Variants in WDPCP observed in about 807,000 individuals in gnomAD.
The protein encoded by WDPCP is WD repeat-containing and planar cell polarity effector protein fritz homolog.
Under a neutral mutation model 93.1 loss-of-function variants are expected in WDPCP, and 71 were observed. That is an observed-to-expected ratio of 0.76 (90% CI 0.63 to 0.93). The LOEUF (loss-of-function observed/expected upper bound fraction) is 0.93. Ranked by LOEUF, WDPCP falls within the 40% of genes least tolerant of loss-of-function variation. The pLI is 0.00. For synonymous variants in WDPCP, 315 were observed against 315.0 expected, an observed-to-expected ratio of 1.00 and a Z score of 0.00; for missense variants, 844 against 887.4, an observed-to-expected ratio of 0.95 and a Z score of 0.62.
chr2:63,306,038 A>C (rs540154113), intron 13 of WDPCP, among the ~76,000 whole-genome samples: 1 of 152,338 alleles, frequency 6.6e-6, no homozygotes, highest in South Asian at 2.1e-4. Flanking sequence ...AAATAGACAC[A>C]ATAAAAAATG....
Position 63,801,623 on chromosome 2 carries a change from C to T in WDPCP, n.308+11999G>A, listed in dbSNP as rs558057680. 4.6e-4 allele frequency among the ~76,000 whole-genome samples: 70 copies of T among 152,256 alleles called. 1 individual carries two copies. The highest frequency in any genetic ancestry group is 1.6e-3 in the African/African-American group (67 of 41,552). On this transcript the variant is annotated intron_variant and non_coding_transcript_variant, in intron 2 of 4. Transcript: ENST00000467687. Reference sequence around the variant, plus strand: ...CCTGCGATTGGCTACTTTTAGAATCCTGCTGATTGGTGCATTTTACAGAAC... The same window carrying T: ...CCTGCGATTGGCTACTTTTAGAATCTTGCTGATTGGTGCATTTTACAGAAC...
rs376158345 is a variant in WDPCP, at chr2:63,373,412, C to T, written c.1748+4974G>A. On this transcript the variant is annotated intron_variant, in intron 12 of 17. Transcript: ENST00000272321. ...CTACAGGCGTGTGCCACCATGCGCC[C>T]GGCTAATTTTTTAAAAAACGTTTTG... 2.6e-4 allele frequency among the ~76,000 whole-genome samples: 40 copies of T among 151,444 alleles called. No homozygotes were observed. In the South Asian group the frequency reaches 3.7e-3, roughly 14 times the overall value.
At chr2:63,616,541 A>T (rs568447655) in intron 3 of WDPCP, among the ~76,000 whole-genome samples, 27 of 152,328 alleles carry the variant, frequency 1.8e-4, no homozygotes, top group Middle Eastern at 3.4e-3. Flanking sequence ...TTTACTCTAT[A>T]GCATAAAATA....
chr2:63,443,356 C>T (rs1005416703), intron 6 of WDPCP: 1 of 152,074 alleles, frequency 6.6e-6, no homozygotes, highest in African/African-American at 2.4e-5. Flanking sequence ...AAGAAATAAG[C>T]CTCTCTGAGG....
intron 1 of WDPCP, among the ~76,000 whole-genome samples, chr2:63,556,618 T>C (rs1706143307): frequency 6.6e-6 from 1 of 152,182 alleles, no homozygotes; most frequent in East Asian, 1.9e-4. Context: ...GAAGAGGTGT[T>C]GAAATCTTTC....
At chr2:63,626,263 A>G (rs181301222) in intron 3 of WDPCP, among the ~76,000 whole-genome samples, 5 of 152,386 alleles carry the variant, frequency 3.3e-5, no homozygotes, top group African/African-American at 9.6e-5. Flanking sequence ...AATATCATTC[A>G]GGACATAGGC....
chr2:63,716,564 A>G (rs1202951398), intron 2 of WDPCP, among the ~76,000 whole-genome samples: 1 of 152,212 alleles, frequency 6.6e-6, no homozygotes. Context: ...AATAGAATGC[A>G]TGAGTTGTCC....
At chr2:63,552,171 T>C (rs1705723697) in intron 1 of WDPCP, among the ~76,000 whole-genome samples, 1 of 149,594 alleles carries the variant, frequency 6.7e-6, no homozygotes, top group Non-Finnish European at 1.5e-5. Context: ...CAAAAAAAGT[T>C]GTGAAAAGTT....
intron 14 of WDPCP, among the ~76,000 whole-genome samples, chr2:63,199,050 G>C (rs922928070): frequency 6.6e-6 from 1 of 152,158 alleles, no homozygotes; most frequent in Non-Finnish European, 1.5e-5. Flanking sequence ...GGGATCTGTG[G>C]AACTTTCAAC....
intron 2 of WDPCP, among the ~76,000 whole-genome samples, chr2:63,774,518 C>T (rs1380229058): frequency 1.3e-5 from 2 of 152,116 alleles, no homozygotes; most frequent in Non-Finnish European, 2.9e-5. Flanking sequence ...TATATCCAGC[C>T]ACCTCTCTTT....
intron 2 of WDPCP, among the ~76,000 whole-genome samples, chr2:63,732,367 C>A (rs1255065337): frequency 6.6e-6 from 1 of 152,154 alleles, no homozygotes; most frequent in Non-Finnish European, 1.5e-5. Context: ...AAATTCCACC[C>A]TGGCCAAGAT....
In WDPCP at chr2:63,493,439, CTATTA is replaced by C. The variant is rs547732587; in HGVS notation, c.76-504_76-500del. Among the ~76,000 whole-genome samples the C allele has an allele frequency of 3.2e-3, 480 of 151,858 alleles. 3 individuals carry two copies. Among genetic ancestry groups the C allele is most frequent in the Non-Finnish European group, 4.2e-3 (283 of 67,934 alleles). On this transcript the variant is annotated intron_variant, in intron 1 of 17. Transcript: ENST00000272321. ...TAAATGGTATATAGTTACTATTATA[CTATTA>C]TAAGAAACATAATTACTTAAAAGTA...
At chr2:63,292,659 G>A (rs1486614318) in intron 13 of WDPCP, among the ~76,000 whole-genome samples, 3 of 152,140 alleles carry the variant, frequency 2.0e-5, no homozygotes, top group South Asian at 4.2e-4. Context: ...CTCTTCACAC[G>A]GATTCCCCCT....
At chr2:63,615,621 C>G (rs1034507883) in intron 3 of WDPCP, among the ~76,000 whole-genome samples, 5 of 152,128 alleles carry the variant, frequency 3.3e-5, no homozygotes, top group Admixed American at 2.0e-4. Context: ...TTTTGGGGAC[C>G]CCACTCTGCA....
At chr2:63,809,529 A>T (rs910825899) in intron 2 of WDPCP, among the ~76,000 whole-genome samples, 1 of 152,250 alleles carries the variant, frequency 6.6e-6, no homozygotes, top group Non-Finnish European at 1.5e-5. Flanking sequence ...GTGTAGAAAG[A>T]AGTAGACATG....
intron 1 of WDPCP, among the ~76,000 whole-genome samples, chr2:63,575,516 A>ACAGCG (rs1558833524): frequency 9.3e-6 from 1 of 107,232 alleles, no homozygotes; most frequent in Non-Finnish European, 1.9e-5. Flanking sequence ...CACTGTATAT[A>ACAGCG]TAGTATATAC....
At chr2:63,735,608 C>T (rs763571294) in intron 2 of WDPCP, among the ~76,000 whole-genome samples, 6 of 152,058 alleles carry the variant, frequency 3.9e-5, no homozygotes, top group Non-Finnish European at 7.4e-5. Flanking sequence ...GAAAGATTAA[C>T]TTGTAATCCA....
At chr2:63,641,534 G>A (rs1709980194) in intron 3 of WDPCP, among the ~76,000 whole-genome samples, 1 of 152,114 alleles carries the variant, frequency 6.6e-6, no homozygotes, top group South Asian at 2.1e-4. Context: ...GCATTTTGCT[G>A]ATGATCAGTG....
chr2:63,262,534 T>G (rs935984123), intron 13 of WDPCP, among the ~76,000 whole-genome samples: 1 of 60,206 alleles, frequency 1.7e-5, no homozygotes, highest in Non-Finnish European at 3.0e-5. Context: ...TACAACCATA[T>G]AAGCCAAAAA....
Sources: allele counts gnomAD v4.1 joint callset (sites outside exome capture counted in the v4.1 genomes callset), GRCh38; gene constraint gnomAD v4.1.1; transcripts MANE v1.5; gene names NCBI Gene and HGNC (gene_info 2026-07-23, HGNC 2026-07-21).